Variants in SLAIN2 observed in about 807,000 individuals in gnomAD.
The protein encoded by SLAIN2 is SLAIN family member 2.
A neutral mutation model predicts 56.6 loss-of-function variants in SLAIN2; 31 were observed. The ratio of observed to expected loss-of-function variants is 0.55; its 90% CI spans 0.41 to 0.74. The LOEUF is 0.74. Ranked by LOEUF, SLAIN2 falls within the 30% of genes least tolerant of loss-of-function variation. The pLI is 0.00. For missense variants in SLAIN2, 777 were observed against 754.2 expected (o/e 1.03, Z -0.35); for synonymous variants, 317 against 284.9 (o/e 1.11, Z -1.13).
At position 48,424,155 on chromosome 4, in the gene SLAIN2, T is replaced by G. The variant is rs1445839526; in HGVS notation, c.*2078T>G. 6.6e-6 allele frequency: 1 copy of G among 152,194 alleles called. No individual in the cohort carries two copies. The highest frequency in any genetic ancestry group is 1.5e-5 in the Non-Finnish European group (1 of 68,018). The allele number at this position is 152,194 out of a possible 1,614,324, so 9.4% of individuals were successfully genotyped here. On this transcript the variant is annotated 3_prime_UTR_variant, in exon 8 of 8. Coordinates refer to ENST00000264313, the MANE Select transcript of SLAIN2 (RefSeq NM_020846.2). ...GAAAAAAATGTCTATTTTTTTTTATTAAAATATTTCATCACTTGTTAAAAC... is the reference window on the plus strand; with the variant it reads ...GAAAAAAATGTCTATTTTTTTTTATGAAAATATTTCATCACTTGTTAAAAC...
At chr4:48,368,536 A>G (rs746848226) in intron 1 of SLAIN2, among the ~76,000 whole-genome samples, 3 of 152,192 alleles carry the variant, frequency 2.0e-5, no homozygotes, top group Non-Finnish European at 4.4e-5. Flanking sequence ...TTATTCATCT[A>G]TAGAGGTTTA....
chr4:48,402,949 A>G (rs1236299367), intron 6 of SLAIN2, among the ~76,000 whole-genome samples: 1 of 152,128 alleles, frequency 6.6e-6, no homozygotes, highest in Non-Finnish European at 1.5e-5. Context: ...TGTTTTTAAC[A>G]GTCAGGCCCT....
intron 1 of SLAIN2, among the ~76,000 whole-genome samples, chr4:48,346,519 G>A (rs968082254): frequency 2.6e-5 from 4 of 152,116 alleles, no homozygotes; most frequent in African/African-American, 9.7e-5. Flanking sequence ...TTTGTCACTC[G>A]TGGCTCTTCA....
rs113097389 is a variant in SLAIN2 at position 48,402,046 on chromosome 4, T to C, written c.1361-18079T>C. On this transcript the variant is annotated intron_variant, in intron 6 of 7. Transcript: ENST00000264313. The stretch of plus-strand genomic sequence containing the variant: ...TTATGCAGCTTGGTTTAGCCAGATA[T>C]GAAATTCTGGGTTAGAAATTCTTTT... 5.4e-3 allele frequency among the ~76,000 whole-genome samples: 823 copies of C among 152,334 alleles called. 9 individuals are homozygous for C. The highest frequency in any genetic ancestry group is 0.018 in the African/African-American group (767 of 41,580).
At chr4:48,420,061 A>G in intron 6 of SLAIN2, 64 bp from the exon 7 acceptor site, 1 of 1,505,206 alleles carries the variant, frequency 6.6e-7, no homozygotes, top group Non-Finnish European at 9.1e-7. Flanking sequence ...GTTGTAATTT[A>G]AAGCAATGGT....
intron 1 of SLAIN2, among the ~76,000 whole-genome samples, chr4:48,359,982 C>T (rs554464797): frequency 7.3e-5 from 11 of 151,534 alleles, no homozygotes; most frequent in African/African-American, 2.2e-4. Flanking sequence ...GGTGAAACCC[C>T]GTCTCTACTA....
intron 6 of SLAIN2, among the ~76,000 whole-genome samples, chr4:48,419,266 C>T (rs1425824606): frequency 6.6e-6 from 1 of 152,078 alleles, no homozygotes. Flanking sequence ...CCACCCCCAA[C>T]TAATTTTTGT....
intron 6 of SLAIN2, among the ~76,000 whole-genome samples, chr4:48,409,460 G>A (rs564647459): frequency 2.0e-5 from 3 of 152,256 alleles, no homozygotes; most frequent in East Asian, 3.9e-4. Flanking sequence ...TATCCCCATC[G>A]TTAAGTGACA....
rs1250170686 is a variant in SLAIN2 at position 48,341,887 on chromosome 4, G to A, written c.148G>A (p.Val50Ile). ...CGGCTCCCTTGGGCCCGGCAGCCCG[G>A]TTCGGGCCGGCGCGTCCATTCCCTC... is the stretch of plus-strand genomic sequence containing the variant. ...GAGSLGPGSP[V>I]RAGASIPSSG... Residue 50 changes from valine (V) to isoleucine (I), a missense_variant, in exon 1 of 8, where the codon GTT becomes ATT. Coordinates refer to ENST00000264313, the MANE Select transcript of SLAIN2 (RefSeq NM_020846.2). The A allele has an allele frequency of 5.9e-6, 9 of 1,514,756 alleles. No individual in the cohort carries two copies. The highest frequency in any genetic ancestry group is 1.2e-5 in the South Asian group (1 of 80,778). 93.8% of individuals were successfully genotyped at this position (1,514,756 alleles called of 1,614,324 possible). A position where few individuals can be genotyped will look rare whatever the true frequency, so the allele number is the denominator to read the frequency against.
chr4:48,374,926 A>G (rs147743507), intron 2 of SLAIN2, among the ~76,000 whole-genome samples: 3 of 152,310 alleles, frequency 2.0e-5, no homozygotes, highest in African/African-American at 4.8e-5. Context: ...GAAGATCATG[A>G]GTTGATCTTA....
chr4:48,376,697 C>T (rs1278622732), intron 2 of SLAIN2, among the ~76,000 whole-genome samples: 2 of 142,294 alleles, frequency 1.4e-5, no homozygotes, highest in African/African-American at 2.6e-5. Context: ...TATCGGCTCA[C>T]TGCAAGCCCC....
At chr4:48,419,952 C>CA (rs1491178175) in intron 6 of SLAIN2, among the ~76,000 whole-genome samples, 173 bp from the exon 7 acceptor site, 4 of 152,162 alleles carry the variant, frequency 2.6e-5, no homozygotes, top group African/African-American at 9.7e-5. Context: ...ATTTAGAACT[C>CA]ACAGTTACTT....
chr4:48,391,537 G>T (rs921215578), intron 6 of SLAIN2, among the ~76,000 whole-genome samples: 1 of 152,074 alleles, frequency 6.6e-6, no homozygotes, highest in Non-Finnish European at 1.5e-5. Flanking sequence ...CGACCAACTT[G>T]GTTTTATTTT....
At chr4:48,364,235 A>C (rs1399617562) in intron 1 of SLAIN2, among the ~76,000 whole-genome samples, 4 of 74,180 alleles carry the variant, frequency 5.4e-5, no homozygotes, top group East Asian at 3.7e-4. Context: ...CACATCCCAG[A>C]TGGGGCGGCG....
chr4:48,365,753 G>A (rs966747787), intron 1 of SLAIN2, among the ~76,000 whole-genome samples: 1 of 152,010 alleles, frequency 6.6e-6, no homozygotes, highest in Non-Finnish European at 1.5e-5. Context: ...GGTAGAGATG[G>A]GGTTTTGCCA....
chr4:48,382,944 T>C lies in SLAIN2; in HGVS notation c.1222+17T>C. The C allele has an allele frequency of 6.4e-7, 1 of 1,567,668 alleles. No individual in the cohort carries two copies. The highest frequency in any genetic ancestry group is 8.7e-7 in the Non-Finnish European group (1 of 1,154,378). ...AAAATGAAGGTAAAATAGCAGATTT[T>C]ACTAATAATTAGACAGTTTCTGCTA... On this transcript the variant is annotated intron_variant, in intron 5 of 7. Coordinates refer to ENST00000264313, the MANE Select transcript of SLAIN2 (RefSeq NM_020846.2).
intron 6 of SLAIN2, among the ~76,000 whole-genome samples, chr4:48,411,603 G>T (rs1560465595): frequency 2.0e-5 from 3 of 148,154 alleles, no homozygotes; most frequent in Non-Finnish European, 4.5e-5. Context: ...TATCTTCTGA[G>T]TTTTTTTTTT....
At chr4:48,399,680 A>T (rs780226087) in intron 6 of SLAIN2, among the ~76,000 whole-genome samples, 1 of 152,154 alleles carries the variant, frequency 6.6e-6, no homozygotes, top group Admixed American at 6.5e-5. Context: ...TATTTCCTTC[A>T]ATACATAGTA....
At chr4:48,378,398 C>T (rs1322492847) in intron 3 of SLAIN2, among the ~76,000 whole-genome samples, 1 of 152,048 alleles carries the variant, frequency 6.6e-6, no homozygotes, top group East Asian at 1.9e-4. Context: ...GAGTTAAAAC[C>T]TCTTTATAGG....
Sources: allele counts gnomAD v4.1 joint callset (sites outside exome capture counted in the v4.1 genomes callset), GRCh38; gene constraint gnomAD v4.1.1; transcripts MANE v1.5; gene names NCBI Gene and HGNC (gene_info 2026-07-23, HGNC 2026-07-21).